The following TCTN2 variants were observed in gnomAD, a reference collection of about 807,000 sequenced individuals.
TCTN2 encodes the protein tectonic family member 2, also known as tectonic-2.
TCTN2 carries 66 observed loss-of-function variants against 83.4 expected under a neutral mutation model. That is an observed-to-expected ratio of 0.79 (90% CI 0.65 to 0.97). The LOEUF (loss-of-function observed/expected upper bound fraction) is 0.97, where lower values mean the gene tolerates loss of function less well. TCTN2 is among the 50% of genes least tolerant of loss of function. The probability of loss-of-function intolerance (pLI) is 0.00; values close to 1 mark genes in which losing one functional copy is unlikely to be tolerated. For synonymous variants in TCTN2, 301 were observed against 326.7 expected (o/e 0.92, Z 0.85); for missense variants, 794 against 858.1 (o/e 0.93, Z 0.93).
intron 13 of TCTN2, among the ~76,000 whole-genome samples, chr12:123,698,613 T>C (rs1956137851): frequency 6.6e-6 from 1 of 152,052 alleles, no homozygotes; most frequent in Admixed American, 6.6e-5. Context: ...GTATTTTTTG[T>C]AGAGATGGGG....
intron 3 of TCTN2, 142 bp downstream of exon 3, chr12:123,672,274 A>T: frequency 1.2e-6 from 1 of 810,952 alleles, no homozygotes; most frequent in South Asian, 1.4e-5. Flanking sequence ...GATCTGGTAG[A>T]CACTTATCCA....
At chr12:123,675,644 T>G (rs1363811588) in intron 4 of TCTN2, among the ~76,000 whole-genome samples, 1 of 152,234 alleles carries the variant, frequency 6.6e-6, no homozygotes, top group African/African-American at 2.4e-5. Context: ...TGCAGATGGC[T>G]GCCTACAGTG....
At chr12:123,679,396 C>T (rs1317280960) in intron 5 of TCTN2, 107 bp downstream of exon 5, 8 of 1,035,502 alleles carry the variant, frequency 7.7e-6, no homozygotes, top group Non-Finnish European at 9.0e-6. Flanking sequence ...GGGTCTTGCT[C>T]TGTCACCCAG....
intron 5 of TCTN2, among the ~76,000 whole-genome samples, chr12:123,686,391 A>T (rs1399330995): frequency 2.0e-5 from 3 of 152,146 alleles, no homozygotes; most frequent in Non-Finnish European, 4.4e-5. Flanking sequence ...GTTATAATCT[A>T]GTGAGGGCCT....
At position 123,688,183 on chromosome 12, in the gene TCTN2, C is replaced by T. The variant is rs766692860; in HGVS notation, c.891+6C>T. ...CATATTTTACTATTCCGCAGGTAAT[C>T]GTTGCAATATTAGTATGCTAGACCG... On this transcript the variant is annotated splice_donor_region_variant and intron_variant, in intron 7 of 17. Coordinates refer to ENST00000303372, the MANE Select transcript of TCTN2 (RefSeq NM_024809.5). 29 of 1,592,924 alleles carry T rather than the reference C, an allele frequency of 1.8e-5. No homozygotes were observed. Among genetic ancestry groups the T allele is most frequent in the East Asian group, 2.3e-5 (1 of 44,128 alleles).
At chr12:123,696,063 C>T (rs991739454) in intron 11 of TCTN2, 9 of 315,890 alleles carry the variant, frequency 2.8e-5, no homozygotes, top group Non-Finnish European at 4.9e-5. Context: ...ATACTGGTCT[C>T]GAACTCCTGA....
At chr12:123,685,227 G>C (rs1436570843) in intron 5 of TCTN2, among the ~76,000 whole-genome samples, 1 of 151,936 alleles carries the variant, frequency 6.6e-6, no homozygotes, top group African/African-American at 2.4e-5. Context: ...TAGTATTCTG[G>C]ATCAGTGACA....
At chr12:123,704,824 C>A in intron 15 of TCTN2, 136 bp downstream of exon 15, 1 of 906,544 alleles carries the variant, frequency 1.1e-6, no homozygotes. Flanking sequence ...TGTTTATATG[C>A]ACATATGGAA....
At position 123,692,601 on chromosome 12, in the gene TCTN2, G is replaced by A. The variant is rs1956056584; in HGVS notation, c.1034-57G>A. 3.7e-6 allele frequency: 5 copies of A among 1,352,620 alleles called. No homozygotes were observed. The South Asian group carries it at 5.8e-5, about 16-fold the overall frequency. The allele number at this position is 1,352,620 out of a possible 1,614,324, so 83.8% of individuals were successfully genotyped here. A position where few individuals can be genotyped will look rare whatever the true frequency, so the allele number is the denominator to read the frequency against. On this transcript the variant is annotated intron_variant, in intron 8 of 17. Transcript: ENST00000303372. ...TTTGTAAGCTATACTTTGAGTAAGT[G>A]TGATCATGGTAGGCCATGTGTACGC... is the stretch of plus-strand genomic sequence containing the variant.
Position 123,706,971 on chromosome 12 carries a change from A to G in TCTN2, c.1896-14A>G, listed in dbSNP as rs1325047020. On this transcript the variant is annotated splice_polypyrimidine_tract_variant and intron_variant, in intron 16 of 17. Transcript: ENST00000303372. The stretch of plus-strand genomic sequence containing the variant: ...TCACTTGTAGTTTTTGTAACCCTCT[A>G]AAATGTTTTCTAGATTCCAGATCAA... 6.2e-6 allele frequency: 10 copies of G among 1,613,842 alleles called. No individual in the cohort carries two copies.
intron 5 of TCTN2, 66 bp from the exon 6 acceptor site, chr12:123,686,770 A>ATT (rs1287515622): frequency 4.6e-6 from 7 of 1,510,424 alleles, no homozygotes; most frequent in African/African-American, 1.4e-5. Flanking sequence ...AAGAGTTAGC[A>ATT]TTCGCTACGC....
chr12:123,696,800 T>C (rs1322504363), intron 12 of TCTN2: 1 of 527,118 alleles, frequency 1.9e-6, no homozygotes, highest in Non-Finnish European at 3.4e-6. Flanking sequence ...ATTGGAGACA[T>C]GAAAATAACT....
intron 3 of TCTN2, among the ~76,000 whole-genome samples, chr12:123,672,575 C>G (rs1016041363): frequency 6.7e-6 from 1 of 150,166 alleles, no homozygotes; most frequent in East Asian, 2.0e-4. Flanking sequence ...CTCTACAAAA[C>G]AATTAAAAAA....
intron 15 of TCTN2, 92 bp downstream of exon 15, chr12:123,704,780 ATTGT>A: frequency 7.1e-7 from 1 of 1,413,794 alleles, no homozygotes; most frequent in East Asian, 2.3e-5. Flanking sequence ...TTAGAAACTG[ATTGT>A]TTATTTACAA....
intron 7 of TCTN2, 34 bp from the exon 8 acceptor site, chr12:123,690,499 C>A: frequency 1.2e-6 from 2 of 1,613,996 alleles, no homozygotes; most frequent in Non-Finnish European, 1.7e-6. Flanking sequence ...AGGAGAGAGG[C>A]CATAAATCTG....
At position 123,699,813 on chromosome 12, in the gene TCTN2, A is replaced by G. The variant is rs918049258; in HGVS notation, c.1612+3A>G. ...TGATGGCTGGCTCGAAATAATACGTAAGTCAAACCCGGGTACAATAAAGCC... is the reference window on the plus strand; with the variant it reads ...TGATGGCTGGCTCGAAATAATACGTGAGTCAAACCCGGGTACAATAAAGCC... On this transcript the variant is annotated splice_donor_region_variant and intron_variant, in intron 14 of 17. Transcript: ENST00000303372. 6.8e-6 allele frequency: 11 copies of G among 1,612,638 alleles called. No homozygotes were observed. Among genetic ancestry groups the G allele is most frequent in the African/African-American group, 1.3e-5 (1 of 74,876 alleles).
chr12:123,679,390 C>A, intron 5 of TCTN2, 101 bp downstream of exon 5: 1 of 1,081,734 alleles, frequency 9.2e-7, no homozygotes, highest in South Asian at 1.3e-5. Flanking sequence ...GAGATAGGGT[C>A]TTGCTCTGTC....
chr12:123,701,475 A>G (rs1482790178), intron 14 of TCTN2, among the ~76,000 whole-genome samples: 1 of 152,130 alleles, frequency 6.6e-6, no homozygotes, highest in Admixed American at 6.6e-5. Flanking sequence ...ACGGTGGCTC[A>G]TATCTGTAAT....
At chr12:123,690,452 A>G in intron 7 of TCTN2, 81 bp from the exon 8 acceptor site, 2 of 1,596,336 alleles carry the variant, frequency 1.3e-6, no homozygotes, top group South Asian at 2.2e-5. Context: ...CTGCAGAAAG[A>G]CCAGTTTTAA....
Sources: gnomAD v4.1 joint callset for allele counts (sites outside exome capture counted in the v4.1 genomes callset) on GRCh38, gnomAD v4.1.1 for gene constraint, MANE v1.5 for transcripts, NCBI Gene and HGNC (gene_info 2026-07-23, HGNC 2026-07-21) for gene names.